The following ZSWIM6 variants were observed in gnomAD, a reference collection of about 807,000 sequenced individuals.
ZSWIM6 encodes the protein zinc finger SWIM domain-containing protein 6.
ZSWIM6 carries 9 observed loss-of-function variants against 113.2 expected under a neutral mutation model. The ratio of observed to expected loss-of-function variants is 0.08; its 90% CI spans 0.05 to 0.14. The LOEUF (loss-of-function observed/expected upper bound fraction) is 0.14. Ranked by LOEUF, ZSWIM6 falls within the 10% of genes least tolerant of loss-of-function variation. ZSWIM6 has a pLI of 1.00. For synonymous variants in ZSWIM6, 611 were observed against 606.5 expected (o/e 1.01, Z -0.11); for missense variants, 1,162 against 1,552.2 (o/e 0.75, Z 4.22).
intron 1 of ZSWIM6, among the ~76,000 whole-genome samples, chr5:61,461,918 C>T (rs1471197953): frequency 6.6e-6 from 1 of 152,110 alleles, no homozygotes; most frequent in Non-Finnish European, 1.5e-5. Context: ...GCTTATTTTT[C>T]ATCATTATGT....
chr5:61,456,411 T>G (rs2112163296), intron 1 of ZSWIM6, among the ~76,000 whole-genome samples: 1 of 152,238 alleles, frequency 6.6e-6, no homozygotes, highest in South Asian at 2.1e-4. Flanking sequence ...TATGTAAATG[T>G]AGACTTGTCC....
intron 1 of ZSWIM6, among the ~76,000 whole-genome samples, chr5:61,462,238 C>T (rs1747336108): frequency 6.6e-6 from 1 of 152,162 alleles, no homozygotes; most frequent in African/African-American, 2.4e-5. Flanking sequence ...TAGTTTTCCC[C>T]TCAGGGACAA....
intron 1 of ZSWIM6, among the ~76,000 whole-genome samples, chr5:61,338,769 A>G (rs959591999): frequency 6.6e-6 from 1 of 152,238 alleles, no homozygotes; most frequent in Non-Finnish European, 1.5e-5. Flanking sequence ...TTGTGTTACA[A>G]GTACACCCTG....
intron 8 of ZSWIM6, 27 bp from the exon 9 acceptor site, chr5:61,531,438 T>C: frequency 4.6e-6 from 7 of 1,529,098 alleles, no homozygotes; most frequent in Non-Finnish European, 6.2e-6. Flanking sequence ...GTTTCTGAGC[T>C]CTGATTTCTT....
chr5:61,372,550 C>G (rs1194012314), intron 1 of ZSWIM6, among the ~76,000 whole-genome samples: 1 of 152,140 alleles, frequency 6.6e-6, no homozygotes, highest in Non-Finnish European at 1.5e-5. Context: ...TCTCTTACCT[C>G]TTTGGTAACT....
chr5:61,374,248 G>C (rs1392835368), intron 1 of ZSWIM6, among the ~76,000 whole-genome samples: 1 of 152,186 alleles, frequency 6.6e-6, no homozygotes, highest in Admixed American at 6.5e-5. Context: ...AATTCTTTAT[G>C]CCTGTGTCTT....
chr5:61,354,846 A>G (rs1386955251), intron 1 of ZSWIM6, among the ~76,000 whole-genome samples: 1 of 152,174 alleles, frequency 6.6e-6, no homozygotes, highest in East Asian at 1.9e-4. Context: ...GACTTATTAT[A>G]TATTCCATTC....
chr5:61,411,104 C>T (rs1017133054), intron 1 of ZSWIM6, among the ~76,000 whole-genome samples: 1 of 152,122 alleles, frequency 6.6e-6, no homozygotes, highest in Non-Finnish European at 1.5e-5. Context: ...GCAGCAAAGT[C>T]GCTGGGAGGT....
At chr5:61,422,914 A>G (rs1160292770) in intron 1 of ZSWIM6, among the ~76,000 whole-genome samples, 12 of 152,180 alleles carry the variant, frequency 7.9e-5, no homozygotes, top group African/African-American at 2.7e-4. Context: ...GTATCATGCA[A>G]CTATACTAAA....
Position 61,531,640 on chromosome 5 carries a change from G to A in ZSWIM6, c.2160G>A (p.Glu720=), listed in dbSNP as rs1749436406. The A allele has an allele frequency of 6.4e-7, 1 of 1,551,712 alleles. No homozygotes were observed. The highest frequency in any genetic ancestry group is 8.7e-7 in the Non-Finnish European group (1 of 1,146,974). ...YTQEKVCRNE[E]QLISKLQEIE... is the part of the protein sequence containing the mutation. Reference sequence around the variant, plus strand: ...AAGAGAAAGTTTGCCGGAATGAGGAGCAGCTCATTTCTAAGCTTCAGGAAA... The same window carrying A: ...AAGAGAAAGTTTGCCGGAATGAGGAACAGCTCATTTCTAAGCTTCAGGAAA... The change falls in exon 9 of 14, where the codon GAG becomes GAA. Residue 720 remains glutamate, a synonymous_variant. Coordinates refer to ENST00000252744, the MANE Select transcript of ZSWIM6 (RefSeq NM_020928.2).
chr5:61,418,464 G>C lies in ZSWIM6; in HGVS notation c.677-54217G>C, dbSNP rs143671852. 2.0e-3 allele frequency among the ~76,000 whole-genome samples: 310 copies of C among 152,002 alleles called. 1 individual carries two copies. Among genetic ancestry groups the C allele is most frequent in the African/African-American group, 7.1e-3 (294 of 41,472 alleles). On this transcript the variant is annotated intron_variant, in intron 1 of 13. Transcript: ENST00000252744. ...TTGTATTTTTAGTAGAAATTTTCAA[G>C]ACCTGGTTGGTCTCGAACTCCTGAC...
chr5:61,515,897 T>A (rs1748921873), intron 4 of ZSWIM6, among the ~76,000 whole-genome samples: 1 of 152,252 alleles, frequency 6.6e-6, no homozygotes, highest in Middle Eastern at 3.4e-3. Flanking sequence ...GTCCGTTTTA[T>A]CTTTATGTAA....
chr5:61,359,609 G>T (rs1396718619), intron 1 of ZSWIM6, among the ~76,000 whole-genome samples: 1 of 152,170 alleles, frequency 6.6e-6, no homozygotes, highest in East Asian at 1.9e-4. Flanking sequence ...TGGAGCCTGG[G>T]TGAGGGAAAG....
chr5:61,491,328 A>G (rs1383995988), intron 3 of ZSWIM6, among the ~76,000 whole-genome samples: 1 of 152,068 alleles, frequency 6.6e-6, no homozygotes, highest in Non-Finnish European at 1.5e-5. Flanking sequence ...TAGTTTAATA[A>G]TGTCAGTATC....
rs890584139 is a variant in ZSWIM6, at chr5:61,490,613, A to G, written c.1034-173A>G. 4.6e-5 allele frequency among the ~76,000 whole-genome samples: 7 copies of G among 152,146 alleles called. No individual in the cohort carries two copies. The South Asian group carries it at 1.4e-3, about 31-fold the overall frequency. On this transcript the variant is annotated intron_variant, in intron 2 of 13. Transcript: ENST00000252744. ...GTAATCTGCATTTGACTTAGCACAA[A>G]TCAGGAAAGTTCTGGAAATAAGAGT...
intron 1 of ZSWIM6, among the ~76,000 whole-genome samples, chr5:61,403,511 C>T (rs978757272): frequency 1.4e-4 from 22 of 152,212 alleles, no homozygotes; most frequent in African/African-American, 5.3e-4. Flanking sequence ...AGACTAACAA[C>T]TAAGACCACT....
At chr5:61,457,076 C>G (rs1290959260) in intron 1 of ZSWIM6, among the ~76,000 whole-genome samples, 1 of 150,890 alleles carries the variant, frequency 6.6e-6, no homozygotes, top group Non-Finnish European at 1.5e-5. Flanking sequence ...CCACCACAGT[C>G]CCCAGAGTGT....
intron 2 of ZSWIM6, among the ~76,000 whole-genome samples, chr5:61,486,709 T>C (rs547940283): frequency 6.6e-5 from 10 of 152,298 alleles, no homozygotes; most frequent in African/African-American, 2.4e-4. Context: ...GTTGAGCATT[T>C]TTTCATGTGC....
intron 2 of ZSWIM6, among the ~76,000 whole-genome samples, chr5:61,487,290 T>C (rs750678253): frequency 1.3e-5 from 2 of 152,178 alleles, no homozygotes; most frequent in African/African-American, 2.4e-5. Context: ...TTTTGGTTAC[T>C]ATAGGCTTGT....
Sources: gnomAD v4.1 joint callset for allele counts (sites outside exome capture counted in the v4.1 genomes callset) on GRCh38, gnomAD v4.1.1 for gene constraint, MANE v1.5 for transcripts, NCBI Gene and HGNC (gene_info 2026-07-23, HGNC 2026-07-21) for gene names.